Variants in ZBTB20 observed in about 807,000 individuals in gnomAD.
ZBTB20 encodes the protein zinc finger and BTB domain containing 20.
ZBTB20 carries 9 observed loss-of-function variants against 56.9 expected under a neutral mutation model. That is an observed-to-expected ratio of 0.16 (90% CI 0.10 to 0.28). ZBTB20 has a LOEUF of 0.28. Among genes scored for constraint, ZBTB20 ranks in the 10% least tolerant of loss-of-function variants. ZBTB20 has a pLI of 1.00. For missense variants in ZBTB20, 655 were observed against 1,003.0 expected (o/e 0.65, Z 4.69); for synonymous variants, 417 against 420.7 (o/e 0.99, Z 0.11).
intron 4 of ZBTB20, among the ~76,000 whole-genome samples, chr3:114,807,319 C>T (rs2108863353): frequency 6.6e-6 from 1 of 151,914 alleles, no homozygotes; most frequent in East Asian, 1.9e-4. Flanking sequence ...TTTCTATGTA[C>T]AAGATTATAT....
chr3:114,526,764 T>C (rs1394623059), intron 6 of ZBTB20, among the ~76,000 whole-genome samples: 1 of 152,216 alleles, frequency 6.6e-6, no homozygotes, highest in Non-Finnish European at 1.5e-5. Context: ...ACGTGGTTTA[T>C]AGGACAGGGA....
At chr3:114,890,986 T>C (rs1173121284) in intron 4 of ZBTB20, among the ~76,000 whole-genome samples, 1 of 152,186 alleles carries the variant, frequency 6.6e-6, no homozygotes, top group East Asian at 1.9e-4. Flanking sequence ...GCTTCATGTT[T>C]TTTTCAAGGC....
At position 114,904,683 on chromosome 3, in the gene ZBTB20, G is replaced by A. The variant is rs116803143; in HGVS notation, c.-455-4341C>T. Among the ~76,000 whole-genome samples the A allele has an allele frequency of 7.9e-3, 1,204 of 152,038 alleles. 15 individuals carry two copies. Among genetic ancestry groups the A allele is most frequent in the African/African-American group, 0.026 (1,091 of 41,522 alleles). On this transcript the variant is annotated intron_variant, in intron 3 of 11. Transcript: ENST00000675478. ...AAGAGTAAGAACTATAAATTGTCAA[G>A]TAGACTTGAAAAACTTATGCTTATT...
At chr3:114,647,008 G>A (rs1250066062) in intron 6 of ZBTB20, among the ~76,000 whole-genome samples, 1 of 151,842 alleles carries the variant, frequency 6.6e-6, no homozygotes, top group Non-Finnish European at 1.5e-5. Context: ...GCCCAGGCTG[G>A]AGTGCAGTGG....
intron 1 of ZBTB20, among the ~76,000 whole-genome samples, chr3:115,146,829 C>A (rs909219699): frequency 1.3e-5 from 2 of 152,090 alleles, no homozygotes; most frequent in African/African-American, 4.8e-5. Flanking sequence ...CGGCTCCAGG[C>A]GCAGGGAGTA....
At chr3:115,146,741 G>A (rs1029328862) in intron 1 of ZBTB20, among the ~76,000 whole-genome samples, 4 of 152,142 alleles carry the variant, frequency 2.6e-5, no homozygotes, top group Admixed American at 2.6e-4. Context: ...GAGGAGGGAG[G>A]GGGCAGAAGA....
intron 6 of ZBTB20, among the ~76,000 whole-genome samples, chr3:114,568,478 T>C (rs2053050923): frequency 6.6e-6 from 1 of 152,166 alleles, no homozygotes; most frequent in Non-Finnish European, 1.5e-5. Context: ...AGAGTAATTA[T>C]GAGATTTTGC....
intron 3 of ZBTB20, among the ~76,000 whole-genome samples, chr3:114,921,568 ATAAGAGTGCTT>A: frequency 6.6e-6 from 1 of 151,944 alleles, no homozygotes; most frequent in Non-Finnish European, 1.5e-5. Flanking sequence ...CCAAAGCTGG[ATAAGAGTGCTT>A]TATGGATATA....
intron 5 of ZBTB20, among the ~76,000 whole-genome samples, chr3:114,769,011 A>T (rs1340430363): frequency 6.6e-6 from 1 of 152,184 alleles, no homozygotes. Flanking sequence ...CATAGCACTT[A>T]TTCTTTCACG....
At chr3:114,983,254 C>T (rs1171749051) in intron 2 of ZBTB20, among the ~76,000 whole-genome samples, 3 of 151,926 alleles carry the variant, frequency 2.0e-5, no homozygotes, top group Non-Finnish European at 4.4e-5. Context: ...TCAGGCTTTT[C>T]CTATGCCCTC....
At chr3:114,644,945 AT>A (rs1009437884) in intron 6 of ZBTB20, among the ~76,000 whole-genome samples, 64 of 152,092 alleles carry the variant, frequency 4.2e-4, no homozygotes, top group Non-Finnish European at 8.1e-4. Context: ...TAGACATTAA[AT>A]TTTTTTCTTT....
intron 5 of ZBTB20, among the ~76,000 whole-genome samples, chr3:114,749,381 G>A (rs1025852898): frequency 1.3e-5 from 2 of 151,932 alleles, no homozygotes; most frequent in East Asian, 1.9e-4. Context: ...GTGAAACCCC[G>A]TCGCTACTAA....
At chr3:114,578,041 A>G (rs947630406) in intron 6 of ZBTB20, among the ~76,000 whole-genome samples, 3 of 152,208 alleles carry the variant, frequency 2.0e-5, no homozygotes, top group Non-Finnish European at 4.4e-5. Flanking sequence ...CAGCATGAAT[A>G]TGCTTGAGAT....
rs1486350606 is a variant in ZBTB20 at position 114,318,356 on chromosome 3, A to G, written c.*20649T>C. On this transcript the variant is annotated 3_prime_UTR_variant, in exon 12 of 12. Coordinates refer to ENST00000675478, the MANE Select transcript of ZBTB20 (RefSeq NM_001348800.3). ...GGTCCCTGCCCCCCTGCTCCCATCC[A>G]TGGAATGTGGGCTGCTGAGAAAGGC... The G allele has an allele frequency of 6.6e-6, 1 of 152,262 alleles. No homozygotes were observed. Among genetic ancestry groups the G allele is most frequent in the Non-Finnish European group, 1.5e-5 (1 of 68,140 alleles). The allele number at this position is 152,262 out of a possible 1,614,324, so 9.4% of individuals were successfully genotyped here. A position where few individuals can be genotyped will look rare whatever the true frequency, so the allele number is the denominator to read the frequency against.
At chr3:114,487,835 G>T (rs2042303087) in intron 7 of ZBTB20, among the ~76,000 whole-genome samples, 1 of 152,200 alleles carries the variant, frequency 6.6e-6, no homozygotes, top group African/African-American at 2.4e-5. Context: ...GAATCAGAGA[G>T]CGGGGAAAGA....
chr3:114,984,842 T>A (rs1267141930), intron 2 of ZBTB20, among the ~76,000 whole-genome samples: 3 of 151,864 alleles, frequency 2.0e-5, no homozygotes, highest in Non-Finnish European at 4.4e-5. Context: ...CACTCACACA[T>A]CCCTACACAC....
chr3:114,651,811 G>A (rs1264522246), intron 6 of ZBTB20, among the ~76,000 whole-genome samples: 2 of 152,032 alleles, frequency 1.3e-5, no homozygotes, highest in Non-Finnish European at 2.9e-5. Flanking sequence ...TTGTTAATTA[G>A]ATATTTCTGT....
At chr3:114,625,708 C>T (rs1293072753) in intron 6 of ZBTB20, among the ~76,000 whole-genome samples, 1 of 151,988 alleles carries the variant, frequency 6.6e-6, no homozygotes, top group African/African-American at 2.4e-5. Flanking sequence ...TCAATGGGGC[C>T]AACATAGACC....
intron 6 of ZBTB20, among the ~76,000 whole-genome samples, chr3:114,622,485 C>A (rs1489311012): frequency 6.6e-6 from 1 of 152,100 alleles, no homozygotes. Context: ...ACAATGACAG[C>A]TGATGAATTT....
Sources: allele counts gnomAD v4.1 joint callset (sites outside exome capture counted in the v4.1 genomes callset), GRCh38; gene constraint gnomAD v4.1.1; transcripts MANE v1.5; gene names NCBI Gene and HGNC (gene_info 2026-07-23, HGNC 2026-07-21).